Variants in CDC42SE2 observed in about 807,000 individuals in gnomAD.
CDC42SE2 encodes CDC42 small effector protein 2.
A neutral mutation model predicts 11.5 loss-of-function variants in CDC42SE2; 3 were observed. That is an observed-to-expected ratio of 0.26 (90% CI 0.12 to 0.67). CDC42SE2 has a LOEUF of 0.67. CDC42SE2 is among the 30% of genes least tolerant of loss of function. The pLI, the probability that CDC42SE2 is intolerant of heterozygous loss-of-function variation, is 0.80. For missense variants in CDC42SE2, 82 were observed against 106.8 expected (o/e 0.77, Z 1.02); for synonymous variants, 33 against 34.8 (o/e 0.95, Z 0.18).
At chr5:131,258,179 T>C (rs1756693703) in intron 2 of CDC42SE2, among the ~76,000 whole-genome samples, 1 of 152,192 alleles carries the variant, frequency 6.6e-6, no homozygotes, top group Non-Finnish European at 1.5e-5. Context: ...TTTTGCTCAC[T>C]AAGCTTTGTG....
At chr5:131,243,906 A>G (rs187490100), upstream of CDC42SE2, among the ~76,000 whole-genome samples, 119 of 152,356 alleles carry the variant, frequency 7.8e-4, no homozygotes, top group African/African-American at 2.8e-3. Context: ...CAGCAACAGC[A>G]ATGGAACCCA....
At chr5:131,265,508 A>G (rs1285241031) in intron 1 of CDC42SE2, among the ~76,000 whole-genome samples, 1 of 152,204 alleles carries the variant, frequency 6.6e-6, no homozygotes, top group African/African-American at 2.4e-5. Context: ...TACTCAACAG[A>G]TATTCATTAA....
At chr5:131,283,534 T>C (rs6882481) in intron 1 of CDC42SE2, among the ~76,000 whole-genome samples, 116,337 of 151,366 alleles carry the variant, frequency 0.77, 45,081 homozygotes, top group African/African-American at 0.82. Flanking sequence ...GCTCTTGTTA[T>C]CCAGGCTGGA....
chr5:131,367,689 T>G (rs908781230), intron 3 of CDC42SE2, among the ~76,000 whole-genome samples: 4 of 152,178 alleles, frequency 2.6e-5, no homozygotes, highest in African/African-American at 9.7e-5. Flanking sequence ...AATTTCTTAT[T>G]TATTCATAGA....
At chr5:131,251,470 T>C (rs1306231103) in intron 1 of CDC42SE2, among the ~76,000 whole-genome samples, 1 of 152,264 alleles carries the variant, frequency 6.6e-6, no homozygotes, top group African/African-American at 2.4e-5. Context: ...TTTTAAGTCA[T>C]CAGCCTCTTC....
At chr5:131,235,185 G>A in the CDC42SE2 span, among the ~76,000 whole-genome samples, 1 of 152,014 alleles carries the variant, frequency 6.6e-6, no homozygotes, top group African/African-American at 2.4e-5. Context: ...CACCGCGCCT[G>A]GCCAGTGAGG....
At chr5:131,262,658 T>C (rs1350972579), upstream of CDC42SE2, among the ~76,000 whole-genome samples, 1 of 152,178 alleles carries the variant, frequency 6.6e-6, no homozygotes, top group African/African-American at 2.4e-5. Flanking sequence ...AGGTCTCTAA[T>C]ATAAAATGAT....
chr5:131,279,262 A>G (rs1256065217), intron 1 of CDC42SE2, among the ~76,000 whole-genome samples: 1 of 152,116 alleles, frequency 6.6e-6, no homozygotes, highest in African/African-American at 2.4e-5. Context: ...TGTGCTATTT[A>G]TATGTTTGTA....
intron 1 of CDC42SE2, among the ~76,000 whole-genome samples, chr5:131,278,089 A>C (rs1448028395): frequency 6.6e-6 from 1 of 151,990 alleles, no homozygotes; most frequent in Non-Finnish European, 1.5e-5. Flanking sequence ...TGGTCCTATC[A>C]ATTCTTGTGC....
At chr5:131,365,726 T>TA (rs1749832205) in intron 3 of CDC42SE2, among the ~76,000 whole-genome samples, 2 of 152,228 alleles carry the variant, frequency 1.3e-5, no homozygotes, top group South Asian at 4.1e-4. Context: ...CTCACACCTG[T>TA]ATCCCCAGCA....
chr5:131,294,792 GACC>G (rs1388172288), intron 1 of CDC42SE2, among the ~76,000 whole-genome samples: 1 of 152,128 alleles, frequency 6.6e-6, no homozygotes, highest in African/African-American at 2.4e-5. Flanking sequence ...AGGAGTTCGA[GACC>G]AGCCTGGCCA....
At chr5:131,215,692 C>A in the CDC42SE2 span, among the ~76,000 whole-genome samples, 2 of 152,126 alleles carry the variant, frequency 1.3e-5, no homozygotes, top group Non-Finnish European at 1.5e-5. Flanking sequence ...ATCAAGAGAA[C>A]GACCTCTCAT....
intron 3 of CDC42SE2, among the ~76,000 whole-genome samples, chr5:131,380,324 T>C (rs184083809): frequency 6.6e-6 from 1 of 152,172 alleles, no homozygotes; most frequent in Admixed American, 6.5e-5. Flanking sequence ...TTTTTGTATT[T>C]TTAGTGGAGA....
intron 3 of CDC42SE2, among the ~76,000 whole-genome samples, chr5:131,377,541 A>G (rs114902670): frequency 9.8e-5 from 15 of 152,298 alleles, no homozygotes; most frequent in Non-Finnish European, 1.6e-4. Context: ...TAAGCCATCA[A>G]TATCACTTGG....
At chr5:131,306,759 GT>G (rs1413399563) in intron 1 of CDC42SE2, among the ~76,000 whole-genome samples, 1 of 152,064 alleles carries the variant, frequency 6.6e-6, no homozygotes, top group Non-Finnish European at 1.5e-5. Flanking sequence ...ATTGTCTACA[GT>G]TTCTTTCATC....
intron 1 of CDC42SE2, among the ~76,000 whole-genome samples, chr5:131,307,166 C>G (rs981346989): frequency 6.6e-6 from 1 of 151,670 alleles, no homozygotes; most frequent in Non-Finnish European, 1.5e-5. Context: ...GCTGCACCCA[C>G]TAACTCGTCA....
upstream of CDC42SE2, among the ~76,000 whole-genome samples, chr5:131,242,694 A>G (rs1756549518): frequency 6.6e-6 from 1 of 152,170 alleles, no homozygotes; most frequent in Non-Finnish European, 1.5e-5. Context: ...AACGTAACCA[A>G]AAATTTCAGG....
chr5:131,268,747 C>T (rs981734281), intron 1 of CDC42SE2, among the ~76,000 whole-genome samples: 3 of 135,534 alleles, frequency 2.2e-5, no homozygotes, highest in African/African-American at 5.7e-5. Context: ...CCACCACACC[C>T]GGATTGCTTT....
At chr5:131,270,649 A>G (rs1203864761) in intron 1 of CDC42SE2, among the ~76,000 whole-genome samples, 1 of 152,208 alleles carries the variant, frequency 6.6e-6, no homozygotes, top group Non-Finnish European at 1.5e-5. Context: ...CTGCTTCTAG[A>G]TGAGCTTTTA....
Sources: gnomAD v4.1 joint callset for allele counts (sites outside exome capture counted in the v4.1 genomes callset) on GRCh38, gnomAD v4.1.1 for gene constraint, MANE v1.5 for transcripts, NCBI Gene and HGNC (gene_info 2026-07-23, HGNC 2026-07-21) for gene names.